The following UPK1B variants were observed in gnomAD, a reference collection of about 807,000 sequenced individuals.
UPK1B encodes the protein uroplakin 1B, also known as uroplakin-1b.
In UPK1B, 28 loss-of-function variants were observed where a neutral mutation model predicts 34.2. The ratio of observed to expected loss-of-function variants is 0.82; its 90% CI spans 0.61 to 1.12. The LOEUF (loss-of-function observed/expected upper bound fraction) is 1.12, where lower values mean the gene tolerates loss of function less well. UPK1B is among the 50% of genes most tolerant of loss of function. The probability of loss-of-function intolerance (pLI) is 0.00; values close to 1 mark genes in which losing one functional copy is unlikely to be tolerated. For missense variants in UPK1B, 325 were observed against 320.9 expected (o/e 1.01, Z -0.10); for synonymous variants, 81 against 110.4 (o/e 0.73, Z 1.67).
chr3:119,199,397 AG>A (rs1161486198), intron 7 of UPK1B, among the ~76,000 whole-genome samples: 1 of 152,194 alleles, frequency 6.6e-6, no homozygotes, highest in Non-Finnish European at 1.5e-5. Flanking sequence ...CTGCCTTTAG[AG>A]GGCTGGAGAG....
At chr3:119,185,857 A>T (rs1260942142) in intron 1 of UPK1B, among the ~76,000 whole-genome samples, 3 of 152,254 alleles carry the variant, frequency 2.0e-5, no homozygotes, top group Non-Finnish European at 4.4e-5. Flanking sequence ...ATCCTCAGGG[A>T]GGTGAGAGAC....
chr3:119,193,933 A>C (rs2078054329), intron 5 of UPK1B, among the ~76,000 whole-genome samples: 1 of 152,180 alleles, frequency 6.6e-6, no homozygotes, highest in Non-Finnish European at 1.5e-5. Context: ...ACTATATTCC[A>C]ATTTTACAGT....
chr3:119,186,799 G>A lies in UPK1B; in HGVS notation c.58G>A (p.Val20Met), dbSNP rs1413113568. Residue 20 changes from valine (V) to methionine (M), a missense_variant, in exon 2 of 8, where the codon GTG (valine) becomes ATG (methionine). Transcript: ENST00000264234. ...CFQGLLIFGNVIIGCCGIALT... is the reference protein window; with the variant it reads ...CFQGLLIFGNMIIGCCGIALT... ...CCAGGGCCTGCTGATTTTTGGAAATGTGATTATTGGTGTAAGTAATGATTA... is the reference window on the plus strand; with the variant it reads ...CCAGGGCCTGCTGATTTTTGGAAATATGATTATTGGTGTAAGTAATGATTA... The A allele has an allele frequency of 3.7e-6, 6 of 1,614,088 alleles. No individual in the cohort carries two copies. In the African/African-American group the frequency reaches 4.0e-5, roughly 11 times the overall value.
chr3:119,200,206 T>C (rs1176162719), intron 7 of UPK1B, among the ~76,000 whole-genome samples: 3 of 152,178 alleles, frequency 2.0e-5, no homozygotes, highest in East Asian at 1.9e-4. Context: ...GTGCACACCA[T>C]TGTGCCTGGC....
chr3:119,192,316 C>T (rs2078048333), intron 5 of UPK1B, among the ~76,000 whole-genome samples: 1 of 152,100 alleles, frequency 6.6e-6, no homozygotes, highest in African/African-American at 2.4e-5. Flanking sequence ...CAGTCCTTCC[C>T]TACCCTTCTC....
Position 119,187,807 on chromosome 3 carries a change from C to A in UPK1B, c.102C>A (p.Ile34=). The change falls in exon 3 of 8, where the codon ATC becomes ATA. Residue 34 remains isoleucine (I), a synonymous_variant. Transcript: ENST00000264234. ...CCGIALTAEC[I]FFVSDQHSLY... Reference sequence around the variant, plus strand: ...GCATTGCCCTGACTGCGGAGTGCATCTTCTTTGTATCTGACCAACACAGCC... The same window carrying A: ...GCATTGCCCTGACTGCGGAGTGCATATTCTTTGTATCTGACCAACACAGCC... 6.2e-7 allele frequency: 1 copy of A among 1,613,640 alleles called. No individual in the cohort carries two copies. The highest frequency in any genetic ancestry group is 1.1e-5 in the South Asian group (1 of 91,068).
chr3:119,189,122 G>C (rs1413936269), intron 3 of UPK1B, among the ~76,000 whole-genome samples: 1 of 152,214 alleles, frequency 6.6e-6, no homozygotes, highest in South Asian at 2.1e-4. Flanking sequence ...GGGAGGCAAA[G>C]GGGCTAAAGG....
At position 119,185,645 on chromosome 3, in the gene UPK1B, T is replaced by A. The variant is rs138207047; in HGVS notation, c.-28-1069T>A. 4.1e-3 allele frequency among the ~76,000 whole-genome samples: 622 copies of A among 152,362 alleles called. 4 individuals carry two copies. The highest frequency in any genetic ancestry group is 6.0e-3 in the Non-Finnish European group (408 of 68,026). On this transcript the variant is annotated intron_variant, in intron 1 of 7. Transcript: ENST00000264234. ...GTTTCCCTACTAACGCAAAAAATCC[T>A]AGAATACAATAATCTCCCTTACATA...
At chr3:119,188,090 G>A (rs2078027694) in intron 3 of UPK1B, 115 bp downstream of exon 3, 1 of 1,088,346 alleles carries the variant, frequency 9.2e-7, no homozygotes, top group Non-Finnish European at 1.4e-6. Flanking sequence ...ACCAGATAAG[G>A]GGTGAGGAGG....
At chr3:119,192,392 A>G (rs1421624353) in intron 5 of UPK1B, among the ~76,000 whole-genome samples, 2 of 152,162 alleles carry the variant, frequency 1.3e-5, no homozygotes, top group Admixed American at 6.5e-5. Context: ...CTCTTCGTTT[A>G]TACTCTAAGA....
intron 1 of UPK1B, among the ~76,000 whole-genome samples, chr3:119,179,503 C>G (rs1236329602): frequency 7.4e-5 from 4 of 53,944 alleles, no homozygotes; most frequent in African/African-American, 1.8e-4. Flanking sequence ...GTTGATGTTG[C>G]AGTCTTTTTT....
rs1264587228 is a variant in UPK1B, at chr3:119,203,350, A to AAAACAAAAAC, written c.733-564_733-563insCAAAAACAAA. Among the ~76,000 whole-genome samples, 3 of 135,286 alleles carry AAAACAAAAAC rather than the reference A, an allele frequency of 2.2e-5. No individual in the cohort carries two copies. The East Asian group carries it at 6.8e-4, about 31-fold the overall frequency. The allele number at this position is 135,286 out of a possible 152,430, so 88.8% of individuals were successfully genotyped here. A position where few individuals can be genotyped will look rare whatever the true frequency, so the allele number is the denominator to read the frequency against. On this transcript the variant is annotated intron_variant, in intron 7 of 7. Transcript: ENST00000264234. ...AGCGAAACTCCGTCTCAAAAAAAAA[A>AAAACAAAAAC]AAAAAAAAAAAAAAAAAATCTGATA...
intron 6 of UPK1B, 79 bp from the exon 7 acceptor site, chr3:119,198,978 T>A: frequency 6.6e-7 from 1 of 1,519,650 alleles, no homozygotes; most frequent in Non-Finnish European, 9.1e-7. Context: ...TTGATTCCAA[T>A]AGGAACCTGC....
intron 6 of UPK1B, among the ~76,000 whole-genome samples, chr3:119,198,419 T>C (rs989317168): frequency 6.6e-6 from 1 of 152,086 alleles, no homozygotes; most frequent in Non-Finnish European, 1.5e-5. Flanking sequence ...TAGGATAGAG[T>C]GCGCCATGTA....
In UPK1B at chr3:119,194,224, T is replaced by C. The variant is rs1195593035; in HGVS notation, c.474T>C (p.Asn158=). 7.4e-6 allele frequency: 12 copies of C among 1,613,770 alleles called. No individual in the cohort carries two copies. In the South Asian group the frequency reaches 1.1e-4, roughly 15 times the overall value. ...KTWDRLMLQD[N]CCGVNGPSDW... ...TATCTCTCATCTGCTGACAGGACAA[T>C]TGCTGTGGCGTAAATGGTCCATCAG... The change falls in exon 6 of 8, where the codon AAT becomes AAC. Residue 158 remains asparagine (N), a synonymous_variant. Coordinates refer to ENST00000264234, the MANE Select transcript of UPK1B (RefSeq NM_006952.4).
In UPK1B at chr3:119,190,978, A is replaced by G. The variant is rs993628154; in HGVS notation, c.346-4A>G. On this transcript the variant is annotated splice_polypyrimidine_tract_variant and splice_region_variant and intron_variant, in intron 4 of 7. Coordinates refer to ENST00000264234, the MANE Select transcript of UPK1B (RefSeq NM_006952.4). ...CCCTCTTGTGTTGCCTCTTCCTACT[A>G]TAGTTCACACCCAACCTCTTCCTGA... 3.1e-6 allele frequency: 5 copies of G among 1,613,788 alleles called. No individual in the cohort carries two copies. In the Admixed American group the frequency reaches 5.0e-5, roughly 16 times the overall value.
intron 1 of UPK1B, among the ~76,000 whole-genome samples, chr3:119,184,112 C>A (rs1191905692): frequency 6.6e-6 from 1 of 152,176 alleles, no homozygotes; most frequent in African/African-American, 2.4e-5. Context: ...GAGCAAGTTT[C>A]TACCTTCCTT....
At chr3:119,185,917 T>C (rs1006734602) in intron 1 of UPK1B, among the ~76,000 whole-genome samples, 1 of 152,088 alleles carries the variant, frequency 6.6e-6, no homozygotes, top group Non-Finnish European at 1.5e-5. Flanking sequence ...TTTCTGGGAG[T>C]CACTGTGGGC....
At chr3:119,203,138 C>T (rs1301689454) in intron 7 of UPK1B, among the ~76,000 whole-genome samples, 1 of 151,844 alleles carries the variant, frequency 6.6e-6, no homozygotes, top group Non-Finnish European at 1.5e-5. Context: ...GTCAGGAGAT[C>T]GAGACCATCC....
Sources: gnomAD v4.1 joint callset for allele counts (sites outside exome capture counted in the v4.1 genomes callset) on GRCh38, gnomAD v4.1.1 for gene constraint, MANE v1.5 for transcripts, NCBI Gene and HGNC (gene_info 2026-07-23, HGNC 2026-07-21) for gene names.